Variants in HMGN3 observed in about 807,000 individuals in gnomAD.
HMGN3 encodes high mobility group nucleosome-binding domain-containing protein 3.
In HMGN3, 6 loss-of-function variants were observed where a neutral mutation model predicts 18.8. That is an observed-to-expected ratio of 0.32 (90% confidence interval 0.18 to 0.63). HMGN3 has a LOEUF of 0.63. Ranked by LOEUF, HMGN3 falls within the 30% of genes least tolerant of loss-of-function variation. The pLI is 0.79. For synonymous variants in HMGN3, 40 were observed against 36.5 expected, an observed-to-expected ratio of 1.10 and a Z score of -0.35; for missense variants, 107 against 114.2, an observed-to-expected ratio of 0.94 and a Z score of 0.29.
At position 79,227,839 on chromosome 6, in the gene HMGN3, C is replaced by T. The variant is rs79085695; in HGVS notation, c.15+6707G>A. Among the ~76,000 whole-genome samples, 1,356 of 152,240 alleles carry T rather than the reference C, an allele frequency of 8.9e-3. 18 individuals are homozygous for T. The highest frequency in any genetic ancestry group is 0.067 in the East Asian group (346 of 5,182). On this transcript the variant is annotated intron_variant, in intron 1 of 5. Coordinates refer to ENST00000344726, the Ensembl canonical transcript of HMGN3. ...TCCCTTCCTTTGAAAACAATTTATT[C>T]ATCAATTTGTTCTACAAATATTTAC...
At chr6:79,207,617 C>T (rs974195901) in intron 3 of HMGN3, among the ~76,000 whole-genome samples, 9 of 152,154 alleles carry the variant, frequency 5.9e-5, no homozygotes, top group African/African-American at 1.9e-4. Context: ...TACTTCCTTA[C>T]GAGACTCACG....
At chr6:79,211,197 T>C (rs992902603) in intron 2 of HMGN3, among the ~76,000 whole-genome samples, 2 of 152,160 alleles carry the variant, frequency 1.3e-5, no homozygotes, top group African/African-American at 4.8e-5. Flanking sequence ...GATTTTCGTT[T>C]TCACTGCAAA....
intron 2 of HMGN3, 139 bp from the exon 3 acceptor site, chr6:79,208,715 C>A: frequency 1.4e-6 from 1 of 735,132 alleles, no homozygotes; most frequent in South Asian, 1.6e-5. Flanking sequence ...TCCAGGTAAG[C>A]ACAGTGAAAC....
At chr6:79,219,829 A>C (rs1253546038) in intron 1 of HMGN3, among the ~76,000 whole-genome samples, 2 of 152,208 alleles carry the variant, frequency 1.3e-5, no homozygotes, top group African/African-American at 4.8e-5. Context: ...CTTAGAACAC[A>C]TTTTTATTCA....
chr6:79,229,437 G>A (rs1239925729), intron 1 of HMGN3, among the ~76,000 whole-genome samples: 2 of 152,104 alleles, frequency 1.3e-5, no homozygotes, highest in African/African-American at 4.8e-5. Flanking sequence ...GTGAAAAGAT[G>A]CTTATTGTCA....
chr6:79,234,669 A>T, exon 1 of HMGN3: 2 of 1,095,664 alleles, frequency 1.8e-6, no homozygotes, highest in Non-Finnish European at 2.7e-6. Context: ...GGCACGACGT[A>T]GCCCGGCCTC....
At chr6:79,207,383 G>GTGA in intron 3 of HMGN3, among the ~76,000 whole-genome samples, 1 of 152,272 alleles carries the variant, frequency 6.6e-6, no homozygotes, top group South Asian at 2.1e-4. Flanking sequence ...AAGTGAATGA[G>GTGA]TCTGGTGAGA....
intron 4 of HMGN3, among the ~76,000 whole-genome samples, chr6:79,202,903 A>T (rs1439951495): frequency 2.0e-5 from 3 of 152,196 alleles, no homozygotes; most frequent in Non-Finnish European, 2.9e-5. Context: ...AAACAACAAA[A>T]GTGAGTTCTG....
chr6:79,229,618 C>A (rs1777737197), intron 1 of HMGN3, among the ~76,000 whole-genome samples: 1 of 152,216 alleles, frequency 6.6e-6, no homozygotes, highest in Non-Finnish European at 1.5e-5. Context: ...TGGCTCACAC[C>A]TGTAATCCCA....
intron 4 of HMGN3, among the ~76,000 whole-genome samples, chr6:79,202,770 G>A (rs546275521): frequency 4.6e-5 from 7 of 152,288 alleles, no homozygotes; most frequent in Non-Finnish European, 7.4e-5. Flanking sequence ...CAGCCAGGGG[G>A]TGGCTCTGTG....
chr6:79,208,433 A>G, intron 3 of HMGN3, 114 bp downstream of exon 3: 2 of 957,908 alleles, frequency 2.1e-6, no homozygotes, highest in Non-Finnish European at 3.3e-6. Flanking sequence ...GTAATTTTCA[A>G]AAAGAAAATA....
At chr6:79,224,282 T>TG (rs1246725322) in intron 1 of HMGN3, among the ~76,000 whole-genome samples, 5 of 152,174 alleles carry the variant, frequency 3.3e-5, no homozygotes, top group African/African-American at 4.8e-5. Flanking sequence ...AAGTGGTTTG[T>TG]GTTAAGTGTT....
intron 3 of HMGN3, among the ~76,000 whole-genome samples, chr6:79,206,653 G>A (rs1449212776): frequency 6.6e-6 from 1 of 152,242 alleles, no homozygotes; most frequent in African/African-American, 2.4e-5. Flanking sequence ...GCAATGTGGG[G>A]TTGAAGCCCT....
intron 3 of HMGN3, among the ~76,000 whole-genome samples, chr6:79,207,850 A>G (rs1464329718): frequency 6.6e-6 from 1 of 151,556 alleles, no homozygotes; most frequent in Non-Finnish European, 1.5e-5. Context: ...CTTTCCCTCT[A>G]CCTTCTCAGT....
chr6:79,229,839 C>T (rs1777753990), intron 1 of HMGN3, among the ~76,000 whole-genome samples: 1 of 152,066 alleles, frequency 6.6e-6, no homozygotes. Flanking sequence ...GATCGCGCTA[C>T]TGCCCTCCAG....
intron 2 of HMGN3, among the ~76,000 whole-genome samples, chr6:79,209,800 T>C (rs372775043): frequency 3.3e-5 from 5 of 152,278 alleles, no homozygotes; most frequent in East Asian, 1.9e-4. Context: ...TTGCTGAAAA[T>C]AGCCAGAGAA....
At chr6:79,206,224 G>C (rs1561984232) in intron 3 of HMGN3, among the ~76,000 whole-genome samples, 1 of 152,180 alleles carries the variant, frequency 6.6e-6, no homozygotes, top group African/African-American at 2.4e-5. Context: ...TGAGTAATGA[G>C]GAGCCAAATG....
At chr6:79,225,802 G>T (rs1050907863) in intron 1 of HMGN3, among the ~76,000 whole-genome samples, 1 of 152,128 alleles carries the variant, frequency 6.6e-6, no homozygotes, top group African/African-American at 2.4e-5. Context: ...GAAATACCTA[G>T]AAGATTTCAT....
chr6:79,203,455 C>T lies in HMGN3; in HGVS notation c.147+125G>A, dbSNP rs531499786. On this transcript the variant is annotated intron_variant, in intron 4 of 5. Coordinates refer to ENST00000344726, the Ensembl canonical transcript of HMGN3. ...TGTGCTTTATGCCTTTAAGCAAGCCCGTAACAGTGGTAATGGTTTCAGTTT... is the reference window on the plus strand; with the variant it reads ...TGTGCTTTATGCCTTTAAGCAAGCCTGTAACAGTGGTAATGGTTTCAGTTT... 239 of 853,360 alleles carry T rather than the reference C, an allele frequency of 2.8e-4. 4 individuals are homozygous for T. In the South Asian group the frequency reaches 3.3e-3, roughly 12 times the overall value. The allele number at this position is 853,360 out of a possible 1,614,324, so 52.9% of individuals were successfully genotyped here.
Sources: gnomAD v4.1 joint callset for allele counts (sites outside exome capture counted in the v4.1 genomes callset) on GRCh38, gnomAD v4.1.1 for gene constraint, MANE v1.5 for transcripts, NCBI Gene and HGNC (gene_info 2026-07-23, HGNC 2026-07-21) for gene names.